The following TRAF3 variants were observed in gnomAD, a reference collection of about 807,000 sequenced individuals.
The protein encoded by TRAF3 is TNF receptor-associated factor 3.
TRAF3 carries 13 observed loss-of-function variants against 62.3 expected under a neutral mutation model. That is an observed-to-expected ratio of 0.21 (90% CI 0.14 to 0.33). The LOEUF (loss-of-function observed/expected upper bound fraction) is 0.33. TRAF3 is among the 10% of genes least tolerant of loss of function. The pLI is 1.00. For synonymous variants in TRAF3, 269 were observed against 283.4 expected (o/e 0.95, Z 0.51); for missense variants, 440 against 741.8 (o/e 0.59, Z 4.73).
chr14:102,889,811 T>C (rs1889608907), intron 8 of TRAF3, among the ~76,000 whole-genome samples, 177 bp downstream of exon 8: 1 of 152,172 alleles, frequency 6.6e-6, no homozygotes. Flanking sequence ...CGCTTTCCAG[T>C]TGGTGGTGCT....
At chr14:102,803,779 C>T (rs1226104543) in intron 1 of TRAF3, among the ~76,000 whole-genome samples, 3 of 152,236 alleles carry the variant, frequency 2.0e-5, no homozygotes, top group Admixed American at 1.3e-4. Flanking sequence ...GAATTCTGTA[C>T]GGTTTCTGAT....
At chr14:102,795,476 T>G (rs140767077) in intron 1 of TRAF3, among the ~76,000 whole-genome samples, 1 of 152,330 alleles carries the variant, frequency 6.6e-6, no homozygotes, top group Non-Finnish European at 1.5e-5. Flanking sequence ...TGTTCCCAAG[T>G]AAGTCTTTCC....
chr14:102,782,234 G>A (rs1041691465), intron 1 of TRAF3, among the ~76,000 whole-genome samples: 3 of 149,432 alleles, frequency 2.0e-5, no homozygotes, highest in East Asian at 2.0e-4. Flanking sequence ...CACCACACTC[G>A]GCCTATTTGT....
intron 1 of TRAF3, among the ~76,000 whole-genome samples, chr14:102,802,015 CAA>C (rs1159987063): frequency 5.5e-5 from 6 of 109,282 alleles, no homozygotes; most frequent in Non-Finnish European, 5.6e-5. Context: ...GACTCCATCT[CAA>C]AAAAAAAAAA....
At chr14:102,898,156 GCA>G (rs2139977928) in intron 10 of TRAF3, among the ~76,000 whole-genome samples, 1 of 152,338 alleles carries the variant, frequency 6.6e-6, no homozygotes, top group South Asian at 2.1e-4. Context: ...ACTTCTAATA[GCA>G]CAGAGTCATG....
At chr14:102,780,949 C>T (rs1389612812) in intron 1 of TRAF3, among the ~76,000 whole-genome samples, 6 of 152,152 alleles carry the variant, frequency 3.9e-5, no homozygotes, top group Non-Finnish European at 7.4e-5. Context: ...AATCTACCAT[C>T]CTGCCCTCAG....
rs1324939978 is a variant in TRAF3 at position 102,906,510 on chromosome 14, G to T, written c.*726G>T. On this transcript the variant is annotated 3_prime_UTR_variant, in exon 12 of 12. Coordinates refer to ENST00000392745, the MANE Select transcript of TRAF3 (RefSeq NM_145725.3). ...TGGTTATCACTTGTGATAGGAAAGA[G>T]AATATTCAACCTGTTGTTATTTCTC... is the stretch of plus-strand genomic sequence containing the variant. 1 of 152,224 alleles carries T rather than the reference G, an allele frequency of 6.6e-6. No homozygotes were observed. The highest frequency in any genetic ancestry group is 1.9e-4 in the East Asian group (1 of 5,204). 9.4% of individuals were successfully genotyped at this position (152,224 alleles called of 1,614,324 possible).
chr14:102,874,318 G>A (rs62008993), intron 4 of TRAF3, among the ~76,000 whole-genome samples: 15 of 152,134 alleles, frequency 9.9e-5, no homozygotes, highest in Admixed American at 2.0e-4. Flanking sequence ...GTACAATGGC[G>A]TGATCTCAGC....
chr14:102,789,736 A>C (rs529193672), intron 1 of TRAF3, among the ~76,000 whole-genome samples: 1 of 152,136 alleles, frequency 6.6e-6, no homozygotes, highest in South Asian at 2.1e-4. Flanking sequence ...ATGTCTTTTC[A>C]TGTGACTCTT....
intron 2 of TRAF3, among the ~76,000 whole-genome samples, chr14:102,847,331 C>T (rs915795795): frequency 1.3e-4 from 20 of 152,212 alleles, no homozygotes; most frequent in South Asian, 6.2e-4. Context: ...TGTGCCACCA[C>T]GCCCAGCTAA....
rs1034753516 is a variant in TRAF3 at position 102,806,746 on chromosome 14, G to A, written c.-156-23588G>A. ...AGAATAGAGGGGGCCTGGCAGGGCT[G>A]GGGGGAGGTCAAGAGTGGAGTGCTT... On this transcript the variant is annotated intron_variant, in intron 1 of 11. Coordinates refer to ENST00000392745, the MANE Select transcript of TRAF3 (RefSeq NM_145725.3). Among the ~76,000 whole-genome samples the A allele has an allele frequency of 1.5e-4, 23 of 152,086 alleles. 1 individual carries two copies. Among genetic ancestry groups the A allele is most frequent in the African/African-American group, 5.6e-4 (23 of 41,400 alleles).
intron 1 of TRAF3, among the ~76,000 whole-genome samples, chr14:102,815,877 A>G (rs1260843092): frequency 6.6e-6 from 1 of 152,078 alleles, no homozygotes; most frequent in African/African-American, 2.4e-5. Context: ...TAATTCACTC[A>G]CTGTCATGAG....
chr14:102,860,034 G>A (rs1490497306), intron 2 of TRAF3, among the ~76,000 whole-genome samples: 1 of 152,170 alleles, frequency 6.6e-6, no homozygotes, highest in Non-Finnish European at 1.5e-5. Flanking sequence ...AGGCAACCCA[G>A]AGCCAATCAG....
intron 2 of TRAF3, among the ~76,000 whole-genome samples, chr14:102,856,307 G>A (rs576674754): frequency 1.8e-4 from 27 of 152,212 alleles, no homozygotes; most frequent in Non-Finnish European, 3.7e-4. Flanking sequence ...CTAAACAAGG[G>A]GTGGATTATT....
At chr14:102,827,202 C>T (rs564596162) in intron 1 of TRAF3, among the ~76,000 whole-genome samples, 38 of 152,318 alleles carry the variant, frequency 2.5e-4, no homozygotes, top group South Asian at 4.1e-4. Context: ...CACTCGGGCC[C>T]GGGTTCTTCC....
intron 7 of TRAF3, among the ~76,000 whole-genome samples, chr14:102,888,876 T>G (rs1462837010): frequency 2.6e-5 from 4 of 152,198 alleles, no homozygotes; most frequent in African/African-American, 9.7e-5. Context: ...CTCACCAGCA[T>G]TTGAGCTGAG....
intron 1 of TRAF3, among the ~76,000 whole-genome samples, chr14:102,812,715 C>T (rs987307746): frequency 2.6e-5 from 4 of 151,472 alleles, no homozygotes; most frequent in East Asian, 2.0e-4. Flanking sequence ...GTCAGGAGAT[C>T]GAGACCATCT....
intron 3 of TRAF3, 33 bp downstream of exon 3, chr14:102,870,479 C>T (rs201347691): frequency 3.1e-6 from 5 of 1,609,524 alleles, no homozygotes; most frequent in Non-Finnish European, 2.5e-6. Flanking sequence ...TCGCCCGGCC[C>T]CTTCTCAGCC....
intron 1 of TRAF3, among the ~76,000 whole-genome samples, chr14:102,828,219 CAG>C (rs1258140598): frequency 1.3e-5 from 2 of 152,178 alleles, no homozygotes; most frequent in African/African-American, 4.8e-5. Flanking sequence ...CTTCCTGTGC[CAG>C]AGAGTCTCTC....
Sources: allele counts gnomAD v4.1 joint callset (sites outside exome capture counted in the v4.1 genomes callset), GRCh38; gene constraint gnomAD v4.1.1; transcripts MANE v1.5; gene names NCBI Gene and HGNC (gene_info 2026-07-23, HGNC 2026-07-21).